Variants in SAMD4A observed in about 807,000 individuals in gnomAD.
SAMD4A encodes protein Smaug homolog 1.
In SAMD4A, 33 loss-of-function variants were observed where a neutral mutation model predicts 81.3. That is an observed-to-expected ratio of 0.41 (90% CI 0.31 to 0.54). The LOEUF (loss-of-function observed/expected upper bound fraction) is 0.54. Ranked by LOEUF, SAMD4A falls within the 20% of genes least tolerant of loss-of-function variation. The probability of loss-of-function intolerance (pLI) is 0.37; values close to 1 mark genes in which losing one functional copy is unlikely to be tolerated. For missense variants in SAMD4A, 854 were observed against 951.1 expected, an observed-to-expected ratio of 0.90 and a Z score of 1.34; for synonymous variants, 389 against 382.1, an observed-to-expected ratio of 1.02 and a Z score of -0.21.
intron 2 of SAMD4A, among the ~76,000 whole-genome samples, chr14:54,607,264 G>A (rs1055356103): frequency 2.0e-5 from 3 of 151,746 alleles, no homozygotes; most frequent in African/African-American, 4.9e-5. Flanking sequence ...ATGTGAGATC[G>A]TGGCAGGTAG....
rs1260614594 is a variant in SAMD4A at position 54,694,919 on chromosome 14, C to T, written c.197-7143C>T. The T allele has an allele frequency of 4.1e-6, 4 of 985,356 alleles. No individual in the cohort carries two copies. In the African/African-American group the frequency reaches 7.0e-5, roughly 17 times the overall value. 61.0% of individuals were successfully genotyped at this position (985,356 alleles called of 1,614,324 possible). The stretch of plus-strand genomic sequence containing the variant: ...TGGAAGAAATGACCAGATCTCTACT[C>T]TGGAAAGGTAAAGGGCTCATTGGAA... On this transcript the variant is annotated intron_variant, in intron 2 of 12. Transcript: ENST00000554335.
intron 2 of SAMD4A, among the ~76,000 whole-genome samples, chr14:54,659,912 A>G (rs1396904502): frequency 6.6e-6 from 1 of 152,032 alleles, no homozygotes; most frequent in Non-Finnish European, 1.5e-5. Flanking sequence ...GGCGAGGGAG[A>G]AGTCAAACAG....
At chr14:54,672,275 G>A (rs1265613554) in intron 2 of SAMD4A, among the ~76,000 whole-genome samples, 2 of 151,818 alleles carry the variant, frequency 1.3e-5, no homozygotes, top group African/African-American at 4.8e-5. Context: ...GCCTTGGGAT[G>A]CCTGTCAGCC....
At chr14:54,751,566 A>G (rs1032903692) in intron 6 of SAMD4A, 29 bp downstream of exon 6, 6 of 1,406,314 alleles carry the variant, frequency 4.3e-6, no homozygotes, top group Non-Finnish European at 6.0e-6. Flanking sequence ...GAACATTTCC[A>G]CTTTCATTAT....
chr14:54,744,027 G>T (rs1299801993), intron 4 of SAMD4A, among the ~76,000 whole-genome samples: 1 of 152,134 alleles, frequency 6.6e-6, no homozygotes, highest in Non-Finnish European at 1.5e-5. Context: ...AGAGATCAAG[G>T]GTGCAGTCAT....
intron 2 of SAMD4A, among the ~76,000 whole-genome samples, chr14:54,683,836 G>A (rs543146865): frequency 2.0e-5 from 3 of 152,238 alleles, no homozygotes; most frequent in African/African-American, 7.2e-5. Flanking sequence ...CTTAGTGAGG[G>A]GTAGATATAT....
chr14:54,736,177 A>G (rs1227117749), intron 3 of SAMD4A, among the ~76,000 whole-genome samples: 1 of 152,188 alleles, frequency 6.6e-6, no homozygotes, highest in East Asian at 1.9e-4. Context: ...GGCTAGTTAT[A>G]TGAGTTATGT....
intron 11 of SAMD4A, among the ~76,000 whole-genome samples, chr14:54,780,240 C>T (rs1419594259): frequency 6.6e-6 from 1 of 152,198 alleles, no homozygotes; most frequent in Non-Finnish European, 1.5e-5. Flanking sequence ...GGTTGTGAAC[C>T]AGCTGGATGT....
rs75601386 is a variant in SAMD4A at position 54,594,063 on chromosome 14, A to T, written c.196+25951A>T. 2.4e-3 allele frequency among the ~76,000 whole-genome samples: 365 copies of T among 152,346 alleles called. 3 individuals are homozygous for T. The highest frequency in any genetic ancestry group is 7.8e-3 in the African/African-American group (326 of 41,568). On this transcript the variant is annotated intron_variant, in intron 2 of 12. Transcript: ENST00000554335. The stretch of plus-strand genomic sequence containing the variant: ...AAAATGTCTTTGTTTCTTCTGTTGC[A>T]GAAGTAAAACATGATTGCTATTAAA...
intron 2 of SAMD4A, among the ~76,000 whole-genome samples, chr14:54,635,998 G>C (rs1208487485): frequency 8.3e-4 from 126 of 152,204 alleles, no homozygotes; most frequent in Non-Finnish European, 4.4e-5. Context: ...GGAGGATGTG[G>C]GGAGACAGAC....
chr14:54,711,610 TAAAAAAC>T lies in SAMD4A; in HGVS notation c.715+9036_715+9042del, dbSNP rs1376337783. Among the ~76,000 whole-genome samples the T allele has an allele frequency of 3.3e-5, 5 of 152,216 alleles. No individual in the cohort carries two copies. The East Asian group carries it at 7.7e-4, about 23-fold the overall frequency. Reference sequence around the variant, plus strand: ...CTATAATTACGTCAAAATTAAAAGTTAAAAAACAAAAATTACTTGGGATATTCAGTGC... The same window carrying T: ...CTATAATTACGTCAAAATTAAAAGTTAAAAATTACTTGGGATATTCAGTGC... On this transcript the variant is annotated intron_variant, in intron 3 of 12. Coordinates refer to ENST00000554335, the MANE Select transcript of SAMD4A (RefSeq NM_015589.6).
At chr14:54,575,636 G>C (rs939564825) in intron 2 of SAMD4A, among the ~76,000 whole-genome samples, 1 of 152,174 alleles carries the variant, frequency 6.6e-6, no homozygotes, top group Non-Finnish European at 1.5e-5. Flanking sequence ...CTTTGCCCTG[G>C]AAAATCCCCA....
At position 54,737,228 on chromosome 14, in the gene SAMD4A, A is replaced by T; in HGVS notation, c.920A>T (p.His307Leu). The change falls in exon 4 of 13, where the codon CAC (histidine) becomes CTC (leucine). Residue 307 changes from histidine to leucine, a missense_variant. His to Leu is a moderately conservative substitution (Grantham distance 99). Around this residue, in one of 3 missense-constraint regions of SAMD4A, gnomAD observed 387 missense variants for 405.8 expected, o/e 0.95. Transcript: ENST00000554335. Reference protein sequence around the residue: ...VASSGSGGSEHLEDQTTARNT... With the variant: ...VASSGSGGSELLEDQTTARNT... ...TCTTCAGGAAGTGGTGGGAGTGAAC[A>T]CTTAGAAGATCAGACCACTGCTCGT... 6.2e-7 allele frequency: 1 copy of T among 1,614,130 alleles called. No individual in the cohort carries two copies. Among genetic ancestry groups the T allele is most frequent in the Non-Finnish European group, 8.5e-7 (1 of 1,180,012 alleles).
intron 9 of SAMD4A, among the ~76,000 whole-genome samples, chr14:54,773,222 G>A (rs2038751329): frequency 6.6e-6 from 1 of 151,878 alleles, no homozygotes; most frequent in African/African-American, 2.4e-5. Flanking sequence ...TCTGAGATCT[G>A]CACTGCTGGC....
intron 11 of SAMD4A, among the ~76,000 whole-genome samples, chr14:54,779,119 G>C (rs929008440): frequency 6.6e-6 from 1 of 151,590 alleles, no homozygotes; most frequent in African/African-American, 2.4e-5. Flanking sequence ...TGCTCTTCCT[G>C]GATTCAGAGC....
chr14:54,618,070 A>T (rs1009952406), intron 2 of SAMD4A, among the ~76,000 whole-genome samples: 1 of 152,168 alleles, frequency 6.6e-6, no homozygotes, highest in Non-Finnish European at 1.5e-5. Context: ...AAAATTATCA[A>T]TATTTTGGTG....
intron 3 of SAMD4A, among the ~76,000 whole-genome samples, chr14:54,734,289 G>A (rs112851158): frequency 6.6e-6 from 1 of 152,344 alleles, no homozygotes; most frequent in African/African-American, 2.4e-5. Flanking sequence ...CTAAACCCAC[G>A]GCCCTGTCTG....
intron 2 of SAMD4A, among the ~76,000 whole-genome samples, chr14:54,640,139 A>AT (rs1318783422): frequency 1.3e-5 from 2 of 152,166 alleles, no homozygotes; most frequent in African/African-American, 4.8e-5. Context: ...CCTCCCCCGA[A>AT]GAAACAAAAC....
At chr14:54,644,479 T>A (rs1473962952) in intron 2 of SAMD4A, among the ~76,000 whole-genome samples, 2 of 152,134 alleles carry the variant, frequency 1.3e-5, no homozygotes, top group Non-Finnish European at 2.9e-5. Context: ...CACTAGTAAG[T>A]AGGTAGATGT....
Sources: allele counts gnomAD v4.1 joint callset (sites outside exome capture counted in the v4.1 genomes callset), GRCh38; gene constraint gnomAD v4.1.1; regional missense constraint gnomAD v4.1.1; transcripts MANE v1.5; gene names NCBI Gene and HGNC (gene_info 2026-07-23, HGNC 2026-07-21).